Variants in HDAC9 observed in about 807,000 individuals in gnomAD.
The protein encoded by HDAC9 is histone deacetylase 9.
A neutral mutation model predicts 139.4 loss-of-function variants in HDAC9; 41 were observed. That is an observed-to-expected ratio of 0.29 (90% CI 0.23 to 0.38). The LOEUF (loss-of-function observed/expected upper bound fraction) is 0.38. Among genes scored for constraint, HDAC9 ranks in the 10% least tolerant of loss-of-function variants. The pLI, the probability that HDAC9 is intolerant of heterozygous loss-of-function variation, is 1.00. For synonymous variants in HDAC9, 517 were observed against 476.2 expected (o/e 1.09, Z -1.12); for missense variants, 1,147 against 1,297.0 (o/e 0.88, Z 1.78).
At chr7:18,659,940 A>G (rs999571985) in intron 11 of HDAC9, among the ~76,000 whole-genome samples, 6 of 152,176 alleles carry the variant, frequency 3.9e-5, no homozygotes, top group African/African-American at 1.4e-4. Flanking sequence ...GTAAGCAGAC[A>G]TCTCCTCACT....
intron 19 of HDAC9, among the ~76,000 whole-genome samples, chr7:18,834,844 A>G (rs545222551): frequency 5.9e-5 from 9 of 152,314 alleles, no homozygotes; most frequent in Non-Finnish European, 8.8e-5. Context: ...AAGAAAGCCA[A>G]TTTATTCAGC....
At chr7:18,135,949 T>G (rs1463938653) in intron 1 of HDAC9, among the ~76,000 whole-genome samples, 1 of 122,210 alleles carries the variant, frequency 8.2e-6, no homozygotes, top group Non-Finnish European at 1.6e-5. Flanking sequence ...TTTCTCCACA[T>G]CCTCTCCAGC....
chr7:18,317,093 CAAAATAAATAAA>C (rs1487074209), intron 1 of HDAC9, among the ~76,000 whole-genome samples: 1 of 107,004 alleles, frequency 9.3e-6, no homozygotes. Context: ...GACTCTGTCT[CAAAATAAATAAA>C]TAAATAAATA....
intron 1 of HDAC9, among the ~76,000 whole-genome samples, chr7:18,439,078 A>T (rs916995081): frequency 1.4e-4 from 21 of 152,156 alleles, no homozygotes; most frequent in African/African-American, 4.1e-4. Flanking sequence ...AGTACCCTCC[A>T]CTTAAGCAGT....
intron 2 of HDAC9, among the ~76,000 whole-genome samples, chr7:18,194,340 T>C (rs1444306739): frequency 1.3e-5 from 2 of 152,212 alleles, no homozygotes; most frequent in African/African-American, 2.4e-5. Flanking sequence ...TGTTTTGTTA[T>C]TGATTTATAA....
chr7:18,847,188 A>G (rs1262934796), intron 21 of HDAC9, among the ~76,000 whole-genome samples: 1 of 152,208 alleles, frequency 6.6e-6, no homozygotes, highest in Non-Finnish European at 1.5e-5. Context: ...GTTAAAGGCC[A>G]CTGTAGGAAG....
At chr7:18,626,834 A>G (rs959608274) in intron 6 of HDAC9, among the ~76,000 whole-genome samples, 4 of 152,124 alleles carry the variant, frequency 2.6e-5, no homozygotes, top group African/African-American at 9.7e-5. Flanking sequence ...GAATGTTTAA[A>G]TGGCATATGC....
intron 1 of HDAC9, among the ~76,000 whole-genome samples, chr7:18,132,514 T>A (rs1375583338): frequency 1.3e-5 from 2 of 152,144 alleles, no homozygotes; most frequent in African/African-American, 4.8e-5. Flanking sequence ...GCTCAAATGA[T>A]CTTCCTGCCT....
chr7:18,316,963 G>A (rs1230626794), intron 1 of HDAC9, among the ~76,000 whole-genome samples: 2 of 151,814 alleles, frequency 1.3e-5, no homozygotes, highest in Non-Finnish European at 2.9e-5. Context: ...GAATGGTGGC[G>A]GGCGCCTGTA....
rs141227808 is a variant in HDAC9, at chr7:18,395,467, G to A, written c.-41-100795G>A. Reference sequence around the variant, plus strand: ...TGTGGTAATTTTGTGCATATAGATTGTGGAATTGCAGAATAAATGAATTAT... The same window carrying A: ...TGTGGTAATTTTGTGCATATAGATTATGGAATTGCAGAATAAATGAATTAT... On this transcript the variant is annotated intron_variant, in intron 1 of 3. Coordinates refer to the HDAC9 transcript ENST00000413509. Among the ~76,000 whole-genome samples the A allele has an allele frequency of 3.1e-3, 463 of 150,770 alleles. 2 individuals are homozygous for A. Among genetic ancestry groups the A allele is most frequent in the African/African-American group, 0.011 (449 of 40,992 alleles).
At chr7:18,188,698 T>C (rs539237394) in intron 2 of HDAC9, among the ~76,000 whole-genome samples, 2 of 152,328 alleles carry the variant, frequency 1.3e-5, no homozygotes, top group South Asian at 4.1e-4. Flanking sequence ...GAACAGACGC[T>C]TCTCAAAAGA....
intron 23 of HDAC9, among the ~76,000 whole-genome samples, chr7:18,938,494 C>G (rs1419202398): frequency 6.6e-6 from 1 of 151,072 alleles, no homozygotes; most frequent in Non-Finnish European, 1.5e-5. Context: ...ACTCCGGAGC[C>G]TGAGTCAGGA....
intron 22 of HDAC9, among the ~76,000 whole-genome samples, chr7:18,904,416 A>G (rs1802011399): frequency 6.6e-6 from 1 of 152,222 alleles, no homozygotes; most frequent in East Asian, 1.9e-4. Context: ...CAAATCTCAT[A>G]AAAGTTAAAA....
At chr7:18,617,316 C>T (rs750293485) in intron 6 of HDAC9, among the ~76,000 whole-genome samples, 3 of 152,138 alleles carry the variant, frequency 2.0e-5, no homozygotes, top group Non-Finnish European at 4.4e-5. Flanking sequence ...AGCATGATCT[C>T]TGTCTCCTTA....
intron 21 of HDAC9, among the ~76,000 whole-genome samples, chr7:18,846,995 G>C (rs17140138): frequency 3.4e-4 from 52 of 152,196 alleles, no homozygotes; most frequent in Non-Finnish European, 6.3e-4. Context: ...AGCTAGGCCC[G>C]TTTCTCAGTG....
At chr7:18,637,155 T>C (rs921005329) in intron 8 of HDAC9, among the ~76,000 whole-genome samples, 1 of 152,028 alleles carries the variant, frequency 6.6e-6, no homozygotes, top group African/African-American at 2.4e-5. Flanking sequence ...TATGTAGTAA[T>C]AGTATATTTT....
chr7:18,735,872 A>G (rs1490182078), intron 13 of HDAC9, among the ~76,000 whole-genome samples: 1 of 152,204 alleles, frequency 6.6e-6, no homozygotes, highest in Non-Finnish European at 1.5e-5. Context: ...ATGAGCATAG[A>G]AAGGTTTTCC....
intron 22 of HDAC9, among the ~76,000 whole-genome samples, chr7:18,910,446 G>A (rs534241008): frequency 6.6e-5 from 10 of 151,986 alleles, no homozygotes; most frequent in African/African-American, 2.2e-4. Flanking sequence ...GGAATTCTTT[G>A]ATGGATTCTT....
At chr7:18,890,705 T>A (rs892954898) in intron 22 of HDAC9, among the ~76,000 whole-genome samples, 3 of 152,232 alleles carry the variant, frequency 2.0e-5, no homozygotes, top group African/African-American at 7.2e-5. Context: ...GATTACCTTT[T>A]GAAAAGCAGA....
Sources: allele counts gnomAD v4.1 joint callset (sites outside exome capture counted in the v4.1 genomes callset), GRCh38; gene constraint gnomAD v4.1.1; transcripts MANE v1.5; gene names NCBI Gene and HGNC (gene_info 2026-07-23, HGNC 2026-07-21).